The following BCAS4 variants were observed in gnomAD, a reference collection of about 807,000 sequenced individuals.
The protein encoded by BCAS4 is breast carcinoma-amplified sequence 4.
Under a neutral mutation model 15.7 loss-of-function variants are expected in BCAS4, and 9 were observed. The ratio of observed to expected loss-of-function variants is 0.57; its 90% CI spans 0.34 to 1.00. BCAS4 has a LOEUF of 1.00. Ranked by LOEUF, BCAS4 falls within the 50% of genes least tolerant of loss-of-function variation. BCAS4 has a pLI of 0.02. For missense variants in BCAS4, 225 were observed against 239.1 expected, an observed-to-expected ratio of 0.94 and a Z score of 0.39; for synonymous variants, 101 against 99.5, an observed-to-expected ratio of 1.02 and a Z score of -0.09.
At chr20:50,875,231 G>A (rs55742973) in intron 4 of BCAS4, among the ~76,000 whole-genome samples, 35,398 of 152,112 alleles carry the variant, frequency 0.23, 4,279 homozygotes, top group East Asian at 0.27. Flanking sequence ...TTTGACAGCC[G>A]TCATTCCAGG....
chr20:50,811,145 G>A (rs1330863988), intron 1 of BCAS4, among the ~76,000 whole-genome samples: 1 of 152,160 alleles, frequency 6.6e-6, no homozygotes, highest in African/African-American at 2.4e-5. Flanking sequence ...GCTCCAGATG[G>A]AGTAGGGCTG....
chr20:50,814,387 G>A (rs1328577510), intron 1 of BCAS4, among the ~76,000 whole-genome samples: 1 of 152,218 alleles, frequency 6.6e-6, no homozygotes, highest in East Asian at 1.9e-4. Context: ...CTGGGCCCAA[G>A]TGACCCTCCC....
chr20:50,803,384 A>G (rs1327836410), intron 1 of BCAS4, among the ~76,000 whole-genome samples: 1 of 152,244 alleles, frequency 6.6e-6, no homozygotes, highest in Non-Finnish European at 1.5e-5. Flanking sequence ...TTTTCTGTAA[A>G]TAAAAACAGA....
intron 4 of BCAS4, among the ~76,000 whole-genome samples, chr20:50,846,227 G>A (rs181872748): frequency 1.8e-4 from 27 of 152,264 alleles, no homozygotes; most frequent in Admixed American, 1.3e-3. Context: ...TATATTGATC[G>A]TTATAACATT....
intron 3 of BCAS4, among the ~76,000 whole-genome samples, chr20:50,840,041 A>G (rs533034723): frequency 1.3e-5 from 2 of 149,494 alleles, no homozygotes; most frequent in African/African-American, 2.5e-5. Context: ...TGCCTGGCTA[A>G]TTTTTCAATT....
chr20:50,847,501 G>A (rs2088560966), intron 4 of BCAS4, among the ~76,000 whole-genome samples: 1 of 152,218 alleles, frequency 6.6e-6, no homozygotes, highest in Non-Finnish European at 1.5e-5. Flanking sequence ...TGCTGTGCCA[G>A]GCACTGTTTT....
chr20:50,854,189 C>T lies in BCAS4; in HGVS notation c.399+12289C>T, dbSNP rs562685365. Among the ~76,000 whole-genome samples the T allele has an allele frequency of 1.4e-4, 22 of 152,022 alleles. No individual in the cohort carries two copies. In the East Asian group the frequency reaches 3.9e-3, roughly 27 times the overall value. On this transcript the variant is annotated intron_variant, in intron 4 of 4. Coordinates refer to ENST00000371608, the MANE Select transcript of BCAS4 (RefSeq NM_198799.4). ...CAGGAATTCTGGAGCCAAACAGTCCCGGGTTTTGTATCTTGGTGGTGCTGC... is the reference window on the plus strand; with the variant it reads ...CAGGAATTCTGGAGCCAAACAGTCCTGGGTTTTGTATCTTGGTGGTGCTGC...
chr20:50,804,843 G>A (rs2087970742), intron 1 of BCAS4, among the ~76,000 whole-genome samples: 1 of 152,190 alleles, frequency 6.6e-6, no homozygotes, highest in Admixed American at 6.5e-5. Context: ...GAGTTCCCGA[G>A]TTTCTTCTCT....
intron 1 of BCAS4, among the ~76,000 whole-genome samples, chr20:50,816,867 T>C (rs1468763462): frequency 7.1e-6 from 1 of 140,644 alleles, no homozygotes; most frequent in African/African-American, 2.7e-5. Flanking sequence ...TGCAGTGGTG[T>C]GACCTTGGCT....
chr20:50,840,075 A>T (rs943761703), intron 3 of BCAS4, among the ~76,000 whole-genome samples: 1 of 152,012 alleles, frequency 6.6e-6, no homozygotes, highest in East Asian at 1.9e-4. Context: ...GGGTTTTACC[A>T]TGTTGCCCAG....
chr20:50,809,116 T>G (rs887616423), intron 1 of BCAS4, among the ~76,000 whole-genome samples: 9 of 152,224 alleles, frequency 5.9e-5, no homozygotes, highest in African/African-American at 2.2e-4. Flanking sequence ...TGGTTTTTGT[T>G]TACTTTGTCA....
intron 1 of BCAS4, among the ~76,000 whole-genome samples, chr20:50,817,718 AT>A (rs1402508461): frequency 6.6e-6 from 1 of 151,444 alleles, no homozygotes; most frequent in Non-Finnish European, 1.5e-5. Flanking sequence ...CGCCTCACAC[AT>A]TTTTTTTGGT....
intron 3 of BCAS4, among the ~76,000 whole-genome samples, chr20:50,836,576 G>A (rs2088412974): frequency 6.6e-6 from 1 of 152,126 alleles, no homozygotes. Flanking sequence ...CTGCCAGCCG[G>A]GGGTCCTGGG....
At chr20:50,854,898 C>A (rs1191241367) in intron 4 of BCAS4, among the ~76,000 whole-genome samples, 1 of 152,246 alleles carries the variant, frequency 6.6e-6, no homozygotes, top group Non-Finnish European at 1.5e-5. Context: ...ATGGATCTCG[C>A]CTGCAGGAAT....
At chr20:50,804,987 G>A (rs2426198) in intron 1 of BCAS4, among the ~76,000 whole-genome samples, 29,297 of 152,012 alleles carry the variant, frequency 0.19, 3,633 homozygotes, top group African/African-American at 0.36. Context: ...CTTTCATCTT[G>A]TGCATAGAGA....
At position 50,810,613 on chromosome 20, in the gene BCAS4, AGTC is replaced by A. The variant is rs2088049302; in HGVS notation, c.91-7594_91-7592del. 2.9e-5 allele frequency among the ~76,000 whole-genome samples: 4 copies of A among 139,180 alleles called. No homozygotes were observed. The Admixed American group carries it at 3.0e-4, about 10-fold the overall frequency. The allele number at this position is 139,180 out of a possible 152,430, so 91.3% of individuals were successfully genotyped here. ...TGTTTTTTTTTTTTTTTTGAGACGG[AGTC>A]GTCTCGCTCTGTCGCCCAGGCTGGA... On this transcript the variant is annotated intron_variant, in intron 1 of 4. Transcript: ENST00000371608.
At chr20:50,813,752 C>T (rs1235182732) in intron 1 of BCAS4, among the ~76,000 whole-genome samples, 1 of 138,808 alleles carries the variant, frequency 7.2e-6, no homozygotes, top group Non-Finnish European at 1.5e-5. Flanking sequence ...TTGGGCATTC[C>T]CAGCTGGGAA....
chr20:50,823,035 C>T (rs1469115220), intron 2 of BCAS4, among the ~76,000 whole-genome samples: 1 of 152,034 alleles, frequency 6.6e-6, no homozygotes, highest in Non-Finnish European at 1.5e-5. Flanking sequence ...AATTCACACA[C>T]AAATGTTCAT....
At chr20:50,818,169 G>A in intron 1 of BCAS4, 42 bp from the exon 2 acceptor site, 1 of 1,588,934 alleles carries the variant, frequency 6.3e-7, no homozygotes, top group Non-Finnish European at 8.6e-7. Flanking sequence ...TTGTCTCCCT[G>A]GAAACCACTT....
Sources: gnomAD v4.1 joint callset for allele counts (sites outside exome capture counted in the v4.1 genomes callset) on GRCh38, gnomAD v4.1.1 for gene constraint, MANE v1.5 for transcripts, NCBI Gene and HGNC (gene_info 2026-07-23, HGNC 2026-07-21) for gene names.